Variants in COMMD5 observed in about 807,000 individuals in gnomAD.
COMMD5 encodes the protein COMM domain containing 5.
In COMMD5, 10 loss-of-function variants were observed where a neutral mutation model predicts 6.9. The observed-to-expected ratio is 1.44, with a 90% confidence interval of 0.89 to 2.45. The LOEUF is 2.45. COMMD5 is among the 30% of genes most tolerant of loss of function. COMMD5 has a pLI of 0.00. For synonymous variants in COMMD5, 127 were observed against 125.3 expected, an observed-to-expected ratio of 1.01 and a Z score of -0.09; for missense variants, 234 against 287.8, an observed-to-expected ratio of 0.81 and a Z score of 1.35.
At position 144,844,729 on chromosome 8, in the gene COMMD5, A is replaced by C. The variant is rs941588723; in HGVS notation, c.*117-2986T>G. On this transcript the variant is annotated intron_variant and NMD_transcript_variant, in intron 1 of 1. Coordinates refer to the COMMD5 transcript ENST00000530332. ...TGTATCAAAAAAAAAAAAAAAAAAA[A>C]AAAAAAACGAAAATGGGATGGAAAG... Among the ~76,000 whole-genome samples the C allele has an allele frequency of 7.3e-4, 87 of 119,134 alleles. 3 individuals carry two copies. Among genetic ancestry groups the C allele is most frequent in the Non-Finnish European group, 1.6e-4 (9 of 54,950 alleles). 78.2% of individuals were successfully genotyped at this position (119,134 alleles called of 152,430 possible).
downstream of COMMD5, chr8:144,845,896 G>A (rs1037604108): frequency 4.2e-5 from 58 of 1,375,858 alleles, no homozygotes; most frequent in African/African-American, 7.2e-4. Flanking sequence ...CTGCTGAGAA[G>A]GGTCTTGGCA....
downstream of COMMD5, chr8:144,846,497 C>T (rs946466128): frequency 1.6e-5 from 4 of 253,116 alleles, no homozygotes; most frequent in Non-Finnish European, 2.3e-5. Flanking sequence ...GTGTTTACCA[C>T]ACCAGCCAAG....
chr8:144,851,131 G>A lies in COMMD5; in HGVS notation c.208C>T (p.Arg70Cys). 1.9e-6 allele frequency: 3 copies of A among 1,612,892 alleles called. No individual in the cohort carries two copies. Among genetic ancestry groups the A allele is most frequent in the Middle Eastern group, 1.7e-4 (1 of 6,050 alleles). ...QGEDCREAVQ[R>C]LGVSANLPEE... Reference sequence around the variant, plus strand: ...GGCAGGTTGGCGCTGACCCCAAGACGCTGCACAGCCTCTCGGCAGTCCTCC... The same window carrying A: ...GGCAGGTTGGCGCTGACCCCAAGACACTGCACAGCCTCTCGGCAGTCCTCC... Residue 70 changes from arginine to cysteine, a missense_variant, in exon 2 of 2, where the codon CGT becomes TGT. Transcript: ENST00000305103.
intron 1 of COMMD5, chr8:144,843,379 G>T (rs1188315476): frequency 5.7e-6 from 3 of 527,242 alleles, no homozygotes; most frequent in Non-Finnish European, 9.6e-6. Context: ...CACGAGGTCA[G>T]GAGGTTGAGA....
chr8:144,839,066 G>C (rs1277207442), downstream of COMMD5, among the ~76,000 whole-genome samples: 13 of 53,388 alleles, frequency 2.4e-4, no homozygotes, highest in African/African-American at 4.6e-4. Context: ...ATTCATATGC[G>C]CCTAGGGGCT....
At chr8:144,853,492 C>T (rs943842241), upstream of COMMD5, 6 of 152,226 alleles carry the variant, frequency 3.9e-5, no homozygotes, top group African/African-American at 1.4e-4. Flanking sequence ...TGTGGACGGT[C>T]TGCGCCTCCA....
rs901737608 is a variant in COMMD5 at position 144,841,287 on chromosome 8, G to C, written c.*573C>G. The C allele has an allele frequency of 2.7e-6, 4 of 1,486,072 alleles. No individual in the cohort carries two copies. In the East Asian group the frequency reaches 9.1e-5, roughly 34 times the overall value. The allele number at this position is 1,486,072 out of a possible 1,614,324, so 92.1% of individuals were successfully genotyped here. ...CTGGGAGCCTTGAGCCCTGGCCCCC[G>C]CATTTGTAGTCTTATCATTTCTCTG... is the stretch of plus-strand genomic sequence containing the variant. On this transcript the variant is annotated 3_prime_UTR_variant and NMD_transcript_variant, in exon 2 of 2. Transcript: ENST00000530332.
intron 1 of COMMD5, chr8:144,852,313 G>A (rs1442848343): frequency 6.6e-6 from 1 of 152,492 alleles, no homozygotes; most frequent in Non-Finnish European, 1.5e-5. Context: ...CAACCCCCGG[G>A]CTGGAAGAGC....
At chr8:144,842,807 C>G in intron 1 of COMMD5, 1 of 1,614,168 alleles carries the variant, frequency 6.2e-7, no homozygotes, top group East Asian at 2.2e-5. Context: ...CAAAACTCAA[C>G]CCTTTTCCAA....
At chr8:144,838,097 C>T (rs1192226972), downstream of COMMD5, 1 of 702,898 alleles carries the variant, frequency 1.4e-6, no homozygotes, top group Non-Finnish European at 2.6e-6. Flanking sequence ...TGTCCTGCCT[C>T]TCCGGGCAGC....
At chr8:144,841,002 C>CA (rs1209727830), downstream of COMMD5, 1 of 229,014 alleles carries the variant, frequency 4.4e-6, no homozygotes, top group African/African-American at 2.3e-5. Flanking sequence ...CCTGACCCCG[C>CA]AGCCCAATCC....
downstream of COMMD5, among the ~76,000 whole-genome samples, chr8:144,840,584 G>T (rs1287566950): frequency 6.6e-6 from 1 of 152,220 alleles, no homozygotes; most frequent in South Asian, 2.1e-4. Context: ...CTCAGCAGAG[G>T]TGCCCTCTAG....
chr8:144,838,018 C>T (rs114325413), downstream of COMMD5: 256 of 698,790 alleles, frequency 3.7e-4, 1 homozygote, highest in African/African-American at 3.4e-3. Flanking sequence ...CTGTGGAGGC[C>T]GGAAATCTGA....
chr8:144,840,030 G>A (rs536309334), downstream of COMMD5, among the ~76,000 whole-genome samples: 37 of 152,344 alleles, frequency 2.4e-4, no homozygotes, highest in African/African-American at 8.9e-4. Flanking sequence ...TGCCTGCCAG[G>A]TTCAAGTGAT....
At chr8:144,851,489 C>G in intron 1 of COMMD5, 94 bp from the exon 2 acceptor site, 1 of 838,136 alleles carries the variant, frequency 1.2e-6, no homozygotes, top group South Asian at 1.8e-5. Flanking sequence ...AGCATGCTGA[C>G]AGTGTGAACT....
At chr8:144,843,234 G>A (rs1055730842) in intron 1 of COMMD5, 2 of 1,479,932 alleles carry the variant, frequency 1.4e-6, no homozygotes, top group African/African-American at 1.4e-5. Context: ...TATTTTATAT[G>A]GAATCGTTTA....
chr8:144,844,846 T>A (rs1227044660), intron 1 of COMMD5, among the ~76,000 whole-genome samples: 1 of 150,526 alleles, frequency 6.6e-6, no homozygotes, highest in African/African-American at 2.5e-5. Flanking sequence ...AAAAGATGGT[T>A]GAGTGAAGAA....
At chr8:144,843,270 TAAAGGTTCAG>T in intron 1 of COMMD5, 1 of 1,373,108 alleles carries the variant, frequency 7.3e-7, no homozygotes, top group East Asian at 2.3e-5. Flanking sequence ...AGAATGTTGG[TAAAGGTTCAG>T]AATTGCTCTC....
At chr8:144,841,473 T>TG in exon 2 of COMMD5, 1 of 1,614,234 alleles carries the variant, frequency 6.2e-7, no homozygotes, top group Non-Finnish European at 8.5e-7. Flanking sequence ...ATCCTGGCTT[T>TG]GGAGACGTTT....
Sources: allele counts gnomAD v4.1 joint callset (sites outside exome capture counted in the v4.1 genomes callset), GRCh38; gene constraint gnomAD v4.1.1; transcripts MANE v1.5; gene names NCBI Gene and HGNC (gene_info 2026-07-23, HGNC 2026-07-21).